The following USP15 variants were observed in gnomAD, a reference collection of about 807,000 sequenced individuals.
USP15 encodes ubiquitin carboxyl-terminal hydrolase 15.
Under a neutral mutation model 127.1 loss-of-function variants are expected in USP15, and 18 were observed. The observed-to-expected ratio is 0.14, with a 90% confidence interval of 0.10 to 0.21. The LOEUF (loss-of-function observed/expected upper bound fraction) is 0.21, where lower values mean the gene tolerates loss of function less well. Ranked by LOEUF, USP15 falls within the 10% of genes least tolerant of loss-of-function variation. The pLI is 1.00. For missense variants in USP15, 805 were observed against 1,159.9 expected (o/e 0.69, Z 4.44); for synonymous variants, 364 against 393.7 (o/e 0.92, Z 0.89).
At chr12:62,374,171 A>G (rs1321167569) in intron 8 of USP15, among the ~76,000 whole-genome samples, 1 of 152,038 alleles carries the variant, frequency 6.6e-6, no homozygotes, top group Non-Finnish European at 1.5e-5. Context: ...TTAACCATGG[A>G]TTACTTCAAG....
intron 1 of USP15, among the ~76,000 whole-genome samples, chr12:62,289,563 A>G (rs978249796): frequency 6.6e-6 from 1 of 151,638 alleles, no homozygotes; most frequent in African/African-American, 2.4e-5. Context: ...TTTTCATTTC[A>G]TTGATCTTTT....
At chr12:62,381,068 A>C (rs899077162) in intron 8 of USP15, among the ~76,000 whole-genome samples, 16 of 152,008 alleles carry the variant, frequency 1.1e-4, no homozygotes, top group African/African-American at 3.9e-4. Context: ...AGCAGTAAAT[A>C]CCTCTATTAA....
At chr12:62,319,179 A>AAG (rs1484837252) in intron 4 of USP15, among the ~76,000 whole-genome samples, 1 of 152,088 alleles carries the variant, frequency 6.6e-6, no homozygotes, top group Non-Finnish European at 1.5e-5. Context: ...GTGGCATAGC[A>AAG]AGAGAGAGAG....
Position 62,414,900 on chromosome 12 carries a change from ACAAG to A in USP15, c.*10526_*10529del, listed in dbSNP as rs1397598546. The A allele has an allele frequency of 6.7e-6, 1 of 150,162 alleles. No homozygotes were observed. The highest frequency in any genetic ancestry group is 2.5e-5 in the African/African-American group (1 of 40,246). 9.3% of individuals were successfully genotyped at this position (150,162 alleles called of 1,614,324 possible). ...GTATTAATCAGGATTCTCCAGAGAAACAAGACCAATAGGATGCATATGTGTATAC... is the reference window on the plus strand; with the variant it reads ...GTATTAATCAGGATTCTCCAGAGAAAACCAATAGGATGCATATGTGTATAC... On this transcript the variant is annotated 3_prime_UTR_variant, in exon 22 of 22. Coordinates refer to ENST00000280377, the MANE Select transcript of USP15 (RefSeq NM_001252078.2).
chr12:62,365,669 G>A (rs991209989), intron 8 of USP15, among the ~76,000 whole-genome samples: 2 of 152,140 alleles, frequency 1.3e-5, no homozygotes, highest in African/African-American at 2.4e-5. Flanking sequence ...TTTCTTCTAG[G>A]ATTTTTGTGG....
chr12:62,321,886 A>G (rs2064995632), intron 5 of USP15, among the ~76,000 whole-genome samples: 2 of 152,222 alleles, frequency 1.3e-5, no homozygotes, highest in African/African-American at 2.4e-5. Context: ...GAAAGACCAA[A>G]TAGTAAACAT....
intron 8 of USP15, among the ~76,000 whole-genome samples, chr12:62,360,885 C>T (rs1308929001): frequency 6.6e-6 from 1 of 151,520 alleles, no homozygotes; most frequent in Non-Finnish European, 1.5e-5. Context: ...AATTACATAG[C>T]AAATTGTCAT....
intron 17 of USP15, 98 bp downstream of exon 17, chr12:62,391,984 C>A: frequency 1.7e-6 from 2 of 1,182,882 alleles, no homozygotes; most frequent in Non-Finnish European, 2.3e-6. Flanking sequence ...TTGCTTCCAC[C>A]AAATATGTTT....
At chr12:62,294,040 A>G (rs1301587279) in intron 1 of USP15, 139 bp from the exon 2 acceptor site, 6 of 792,948 alleles carry the variant, frequency 7.6e-6, no homozygotes, top group South Asian at 2.1e-5. Context: ...TTCTAATACT[A>G]AGGGGCATTA....
chr12:62,340,202 G>T (rs532402163), intron 6 of USP15, among the ~76,000 whole-genome samples: 1 of 152,226 alleles, frequency 6.6e-6, no homozygotes, highest in East Asian at 1.9e-4. Flanking sequence ...TCTGATGGTA[G>T]TTTTTATTTC....
intron 3 of USP15, among the ~76,000 whole-genome samples, chr12:62,306,297 T>C (rs1445944093): frequency 6.6e-6 from 1 of 152,138 alleles, no homozygotes; most frequent in Non-Finnish European, 1.5e-5. Context: ...ATGGTACCTG[T>C]AAATAGGTGC....
chr12:62,381,304 T>G (rs1416437513), intron 8 of USP15, among the ~76,000 whole-genome samples, 186 bp from the exon 9 acceptor site: 1 of 152,026 alleles, frequency 6.6e-6, no homozygotes, highest in Non-Finnish European at 1.5e-5. Flanking sequence ...TATTTTGAAA[T>G]TTGGGAAATG....
intron 8 of USP15, among the ~76,000 whole-genome samples, chr12:62,375,313 A>C (rs1031205295): frequency 6.6e-6 from 1 of 152,136 alleles, no homozygotes; most frequent in African/African-American, 2.4e-5. Flanking sequence ...ATTTTTGAAC[A>C]TGGAGAACTT....
At chr12:62,384,325 T>C in intron 11 of USP15, 23 bp downstream of exon 11, 1 of 1,285,630 alleles carries the variant, frequency 7.8e-7, no homozygotes, top group Non-Finnish European at 1.0e-6. Context: ...TTGGTTTGTT[T>C]TGTTTTTTTT....
intron 8 of USP15, among the ~76,000 whole-genome samples, chr12:62,368,740 A>G (rs1049752376): frequency 6.6e-6 from 1 of 152,082 alleles, no homozygotes; most frequent in African/African-American, 2.4e-5. Context: ...CAGCACATTC[A>G]TGGGTCTTGA....
intron 6 of USP15, among the ~76,000 whole-genome samples, chr12:62,332,037 G>A (rs983811381): frequency 9.9e-5 from 15 of 151,806 alleles, no homozygotes; most frequent in Non-Finnish European, 1.6e-4. Context: ...TGGTGGCGGC[G>A]CCTGTAGTCC....
At chr12:62,383,540 A>C (rs1307852102) in intron 9 of USP15, among the ~76,000 whole-genome samples, 1 of 151,962 alleles carries the variant, frequency 6.6e-6, no homozygotes, top group Non-Finnish European at 1.5e-5. Context: ...AATGTGAAAA[A>C]ACATAACACT....
At chr12:62,345,250 A>G (rs2065779766) in intron 6 of USP15, among the ~76,000 whole-genome samples, 1 of 152,150 alleles carries the variant, frequency 6.6e-6, no homozygotes, top group Non-Finnish European at 1.5e-5. Flanking sequence ...TCCCTAAATC[A>G]TCTCTCCCAA....
intron 1 of USP15, among the ~76,000 whole-genome samples, chr12:62,263,336 C>T (rs1263620169): frequency 2.0e-5 from 3 of 152,122 alleles, no homozygotes; most frequent in Admixed American, 6.5e-5. Context: ...AAGTTTAATA[C>T]ACATGTCTGA....
Sources: gnomAD v4.1 joint callset for allele counts (sites outside exome capture counted in the v4.1 genomes callset) on GRCh38, gnomAD v4.1.1 for gene constraint, MANE v1.5 for transcripts, NCBI Gene and HGNC (gene_info 2026-07-23, HGNC 2026-07-21) for gene names.